The following PIN1 variants were observed in gnomAD, a reference collection of about 807,000 sequenced individuals.
PIN1 encodes peptidylprolyl cis/trans isomerase, NIMA-interacting 1.
Under a neutral mutation model 19.9 loss-of-function variants are expected in PIN1, and 8 were observed. The ratio of observed to expected loss-of-function variants is 0.40; its 90% confidence interval spans 0.24 to 0.72. PIN1 has a LOEUF of 0.72. Among genes scored for constraint, PIN1 ranks in the 30% least tolerant of loss-of-function variants. The pLI, the probability that PIN1 is intolerant of heterozygous loss-of-function variation, is 0.37. For missense variants in PIN1, 185 were observed against 226.5 expected (o/e 0.82, Z 1.18); for synonymous variants, 86 against 90.8 (o/e 0.95, Z 0.30).
At position 9,838,327 on chromosome 19, in the gene PIN1, A is replaced by G. The variant is rs2046130442; in HGVS notation, c.59-109A>G. The G allele has an allele frequency of 1.2e-6, 1 of 827,304 alleles. No individual in the cohort carries two copies. The allele number at this position is 827,304 out of a possible 1,614,324, so 51.2% of individuals were successfully genotyped here. A position where few individuals can be genotyped will look rare whatever the true frequency, so the allele number is the denominator to read the frequency against. On this transcript the variant is annotated intron_variant, in intron 1 of 3. Coordinates refer to ENST00000247970, the MANE Select transcript of PIN1 (RefSeq NM_006221.4). This position sits in a 1 kb window ranked among gnomAD's most constrained non-coding sequence, Gnocchi z 5.8. ...GGTGGATACACCATGGATTTGTTGAATGAAGGCGCCCCCTGCAAGCCAGGC... is the reference window on the plus strand; with the variant it reads ...GGTGGATACACCATGGATTTGTTGAGTGAAGGCGCCCCCTGCAAGCCAGGC...
At chr19:9,848,700 C>CA in intron 3 of PIN1, 1 of 296,960 alleles carries the variant, frequency 3.4e-6, no homozygotes, top group Admixed American at 4.8e-5. Flanking sequence ...GTGCAGGTGT[C>CA]TTAGTGGGGT....
chr19:9,843,233 C>T (rs956233915), intron 2 of PIN1, among the ~76,000 whole-genome samples: 4 of 152,256 alleles, frequency 2.6e-5, no homozygotes, highest in Admixed American at 6.5e-5. Flanking sequence ...CAGGTCAGCC[C>T]CTTTGTCCTG....
chr19:9,843,196 T>G (rs2046185720), intron 2 of PIN1, among the ~76,000 whole-genome samples: 1 of 152,228 alleles, frequency 6.6e-6, no homozygotes, highest in South Asian at 2.1e-4. Context: ...TGAGCAGCTG[T>G]CCTACTCACA....
At chr19:9,844,059 A>G (rs60374125) in intron 2 of PIN1, among the ~76,000 whole-genome samples, 3,044 of 152,088 alleles carry the variant, frequency 0.02, 97 homozygotes, top group African/African-American at 0.07. Flanking sequence ...CAAAAAAAAA[A>G]GGGGCGCTAA....
In PIN1 at chr19:9,847,570, G is replaced by C. The variant is rs561540103; in HGVS notation, c.272-460G>C. Among the ~76,000 whole-genome samples, 5 of 152,322 alleles carry C rather than the reference G, an allele frequency of 3.3e-5. No individual in the cohort carries two copies. In the South Asian group the frequency reaches 1.0e-3, roughly 32 times the overall value. On this transcript the variant is annotated intron_variant, in intron 2 of 3. Coordinates refer to ENST00000247970, the MANE Select transcript of PIN1 (RefSeq NM_006221.4). ...CCGTGGCAGTGCTGGGCTTTCTCTG[G>C]ACAGCTCTCCCACCTCTGCCCAGGG...
rs143245121 is a variant in PIN1 at position 9,838,551 on chromosome 19, G to A, written c.174G>A (p.Ser58=). Residue 58 remains serine (S), a synonymous_variant, in exon 2 of 4, where the codon TCG becomes TCA. Transcript: ENST00000247970. This position sits in a 1 kb window ranked among gnomAD's most constrained non-coding sequence, Gnocchi z 5.8. ...GGGAGCCTGCCAGGGTCCGCTGCTC[G>A]CACCTGCTGGTGAAGCACAGCCAGT... ...GQGEPARVRC[S]HLLVKHSQSR... 47 of 1,583,798 alleles carry A rather than the reference G, an allele frequency of 3.0e-5. No individual in the cohort carries two copies. Among genetic ancestry groups the A allele is most frequent in the Middle Eastern group, 1.7e-4 (1 of 5,824 alleles).
At chr19:9,839,991 C>A (rs941220876) in intron 2 of PIN1, among the ~76,000 whole-genome samples, 2 of 152,126 alleles carry the variant, frequency 1.3e-5, no homozygotes, top group African/African-American at 4.8e-5. Context: ...CAGAGCAAGA[C>A]CCTGTCTCAA....
intron 2 of PIN1, among the ~76,000 whole-genome samples, chr19:9,844,906 A>C: frequency 1.3e-5 from 2 of 152,312 alleles, no homozygotes; most frequent in East Asian, 3.9e-4. Flanking sequence ...TTTTGTGCAC[A>C]GTGCTGGGTT....
Position 9,849,354 on chromosome 19 carries a change from AT to A in PIN1, c.*157del. 1.4e-6 allele frequency: 1 copy of A among 717,340 alleles called. No homozygotes were observed. The allele number at this position is 717,340 out of a possible 1,614,324, so 44.4% of individuals were successfully genotyped here. On this transcript the variant is annotated 3_prime_UTR_variant, in exon 4 of 4. Coordinates refer to ENST00000247970, the MANE Select transcript of PIN1 (RefSeq NM_006221.4). ...AATGGCTGGGAGGGGGCCCTTCCAGATTGGGGGCCCTGGGGTCCCCACTCCC... is the reference window on the plus strand; with the variant it reads ...AATGGCTGGGAGGGGGCCCTTCCAGATGGGGGCCCTGGGGTCCCCACTCCC...
chr19:9,845,559 G>A (rs2046213193), intron 2 of PIN1, among the ~76,000 whole-genome samples: 1 of 152,050 alleles, frequency 6.6e-6, no homozygotes, highest in South Asian at 2.1e-4. Context: ...GAGGATTGCT[G>A]CAGCCCAGGG....
intron 1 of PIN1, chr19:9,836,941 C>G (rs1268421650): frequency 1.1e-6 from 1 of 882,344 alleles, no homozygotes; most frequent in East Asian, 6.2e-5. Flanking sequence ...TTAATGTGTG[C>G]CAGTTTCTGT....
chr19:9,839,471 A>G (rs2046143574), intron 2 of PIN1, among the ~76,000 whole-genome samples: 1 of 151,288 alleles, frequency 6.6e-6, no homozygotes, highest in South Asian at 2.1e-4. Context: ...GTTAATTCTG[A>G]CCTAAGGGAG....
chr19:9,838,293 G>A lies in PIN1; in HGVS notation c.59-143G>A. ...ACATTGGCCCACGTCTGGAGAGCCT[G>A]TGGCACATGGTGGATACACCATGGA... On this transcript the variant is annotated intron_variant, in intron 1 of 3. Coordinates refer to ENST00000247970, the MANE Select transcript of PIN1 (RefSeq NM_006221.4). The surrounding 1 kb of genome is among the most constrained non-coding windows in gnomAD (Gnocchi z 5.8). The A allele has an allele frequency of 4.2e-6, 3 of 721,886 alleles. No individual in the cohort carries two copies. The highest frequency in any genetic ancestry group is 1.7e-5 in the African/African-American group (1 of 57,408). 44.7% of individuals were successfully genotyped at this position (721,886 alleles called of 1,614,324 possible).
intron 1 of PIN1, chr19:9,836,891 T>G (rs1322869078): frequency 7.8e-7 from 1 of 1,274,146 alleles, no homozygotes; most frequent in East Asian, 5.6e-5. Context: ...GTCTCCGTTT[T>G]GCCATCTATA....
At chr19:9,848,872 G>A (rs2046246952) in intron 3 of PIN1, among the ~76,000 whole-genome samples, 1 of 152,176 alleles carries the variant, frequency 6.6e-6, no homozygotes, top group Admixed American at 6.5e-5. Flanking sequence ...TATCCTTCAT[G>A]CTGTCCTCGG....
chr19:9,842,269 G>A (rs1317482336), intron 2 of PIN1, among the ~76,000 whole-genome samples: 1 of 152,180 alleles, frequency 6.6e-6, no homozygotes. Context: ...GGCAAGGGTG[G>A]GATGTCTGGG....
chr19:9,842,463 A>G (rs2046177392), intron 2 of PIN1, among the ~76,000 whole-genome samples: 1 of 152,174 alleles, frequency 6.6e-6, no homozygotes. Flanking sequence ...GTGGAGCCTC[A>G]GCCCCAGTCA....
rs1207541657 is a variant in PIN1, at chr19:9,838,583, G to A, written c.206G>A (p.Arg69Gln). The A allele has an allele frequency of 3.2e-6, 5 of 1,563,722 alleles. No homozygotes were observed. The highest frequency in any genetic ancestry group is 1.2e-5 in the South Asian group (1 of 85,032). ...HLLVKHSQSRRPSSWRQEKIT... is the reference protein window; with the variant it reads ...HLLVKHSQSRQPSSWRQEKIT... ...CTGGTGAAGCACAGCCAGTCACGGC[G>A]GCCCTCGTCCTGGCGGCAGGAGAAG... is the stretch of plus-strand genomic sequence containing the variant. The change falls in exon 2 of 4, where the codon CGG becomes CAG. Residue 69 changes from arginine to glutamine, a missense_variant. Arg to Gln is a conservative substitution (Grantham distance 43). Coordinates refer to ENST00000247970, the MANE Select transcript of PIN1 (RefSeq NM_006221.4). This position sits in a 1 kb window ranked among gnomAD's most constrained non-coding sequence, Gnocchi z 5.8.
At position 9,846,628 on chromosome 19, in the gene PIN1, A is replaced by C. The variant is rs2046222884; in HGVS notation, c.272-1402A>C. On this transcript the variant is annotated intron_variant, in intron 2 of 3. Coordinates refer to ENST00000247970, the MANE Select transcript of PIN1 (RefSeq NM_006221.4). The surrounding 1 kb of genome is among the most constrained non-coding windows in gnomAD (Gnocchi z 5.9). ...GAGGGGCCCTGGGGACACTTGGATC[A>C]GTCCAGTGTGTTCAGCAGGTGCCAC... is the stretch of plus-strand genomic sequence containing the variant. Among the ~76,000 whole-genome samples the C allele has an allele frequency of 6.6e-6, 1 of 152,160 alleles. No individual in the cohort carries two copies. The highest frequency in any genetic ancestry group is 2.1e-4 in the South Asian group (1 of 4,826).
Sources: gnomAD v4.1 joint callset for allele counts (sites outside exome capture counted in the v4.1 genomes callset) on GRCh38, gnomAD v4.1.1 for gene constraint, Gnocchi (gnomAD v3.1) non-coding constraint, MANE v1.5 for transcripts, NCBI Gene and HGNC (gene_info 2026-07-23, HGNC 2026-07-21) for gene names.